The following QTMAN variants were observed in gnomAD, a reference collection of about 807,000 sequenced individuals.
QTMAN encodes the protein queuosine-tRNA mannosyltransferase, also known as tRNA-queuosine alpha-mannosyltransferase.
chr2:144,141,653 A>AAAAGT, the QTMAN span, among the ~76,000 whole-genome samples: 1 of 151,460 alleles, frequency 6.6e-6, no homozygotes, highest in East Asian at 1.9e-4. Flanking sequence ...ACAAATAAAT[A>AAAAGT]AAAGAAAAGA....
the QTMAN span, among the ~76,000 whole-genome samples, chr2:144,159,932 G>C: frequency 6.6e-6 from 1 of 152,068 alleles, no homozygotes; most frequent in Middle Eastern, 3.4e-3. Flanking sequence ...GAAGTTTCAG[G>C]CTATATTTTT....
the QTMAN span, among the ~76,000 whole-genome samples, chr2:144,130,230 G>A: frequency 1.3e-5 from 2 of 151,828 alleles, no homozygotes; most frequent in African/African-American, 4.8e-5. Context: ...AAACCTTACA[G>A]AGGTAAGAAA....
chr2:143,968,492 C>T, the QTMAN span, among the ~76,000 whole-genome samples: 1 of 152,192 alleles, frequency 6.6e-6, no homozygotes, highest in African/African-American at 2.4e-5. Context: ...CTATTTTCAA[C>T]CCTCCATATT....
chr2:144,303,689 A>G, the QTMAN span, among the ~76,000 whole-genome samples: 1 of 152,242 alleles, frequency 6.6e-6, no homozygotes, highest in African/African-American at 2.4e-5. Context: ...CATTTCCAAT[A>G]CTGGCTTTGA....
the QTMAN span, among the ~76,000 whole-genome samples, chr2:144,298,458 G>A: frequency 6.6e-6 from 1 of 152,168 alleles, no homozygotes; most frequent in Admixed American, 6.5e-5. Context: ...TAAAAGGTAT[G>A]GGGTGTTTAT....
the QTMAN span, among the ~76,000 whole-genome samples, chr2:143,960,869 C>G: frequency 6.6e-6 from 1 of 151,962 alleles, no homozygotes; most frequent in Non-Finnish European, 1.5e-5. Flanking sequence ...ATTATGCTTA[C>G]GGGTTTCATA....
the QTMAN span, among the ~76,000 whole-genome samples, chr2:144,008,035 T>C: frequency 6.6e-6 from 1 of 152,202 alleles, no homozygotes; most frequent in East Asian, 1.9e-4. Flanking sequence ...TCCTGAAGTA[T>C]ATTTTAATAT....
chr2:144,075,917 A>G, the QTMAN span, among the ~76,000 whole-genome samples: 1 of 152,258 alleles, frequency 6.6e-6, no homozygotes, highest in South Asian at 2.1e-4. Context: ...CATAAATGAT[A>G]GGCAACTGCT....
the QTMAN span, among the ~76,000 whole-genome samples, chr2:144,270,485 T>C: frequency 1.3e-5 from 2 of 152,206 alleles, no homozygotes; most frequent in Non-Finnish European, 2.9e-5. Flanking sequence ...ATAAAAAGAA[T>C]GCGTTAATGT....
chr2:144,265,090 A>G, the QTMAN span, among the ~76,000 whole-genome samples: 7 of 152,370 alleles, frequency 4.6e-5, no homozygotes, highest in Admixed American at 4.6e-4. Flanking sequence ...TAATAAACTG[A>G]CACACTGACA....
chr2:144,274,026 C>T, the QTMAN span, among the ~76,000 whole-genome samples: 1 of 152,058 alleles, frequency 6.6e-6, no homozygotes, highest in Admixed American at 6.6e-5. Flanking sequence ...CCTAGCTACT[C>T]AGGAGGCTGA....
At chr2:144,014,319 C>T in the QTMAN span, among the ~76,000 whole-genome samples, 2 of 152,182 alleles carry the variant, frequency 1.3e-5, no homozygotes, top group Admixed American at 6.5e-5. Context: ...GGAATACCCG[C>T]TAGCCCAACC....
chr2:144,107,370 AAAG>A, the QTMAN span, among the ~76,000 whole-genome samples: 27 of 152,282 alleles, frequency 1.8e-4, no homozygotes, highest in Admixed American at 1.1e-3. Flanking sequence ...CAAGACTAAT[AAAG>A]AAGAAGAGAG....
the QTMAN span, chr2:144,145,731 A>G: frequency 6.2e-7 from 1 of 1,609,470 alleles, no homozygotes; most frequent in Non-Finnish European, 8.5e-7. Context: ...TGAACTTGCA[A>G]AGAGGGTCCT....
At chr2:144,283,817 G>C in the QTMAN span, among the ~76,000 whole-genome samples, 1 of 151,900 alleles carries the variant, frequency 6.6e-6, no homozygotes, top group African/African-American at 2.4e-5. Context: ...CCATTGAAAA[G>C]AATAACTGTA....
the QTMAN span, chr2:144,177,098 C>T: frequency 1.9e-3 from 1,308 of 697,366 alleles, 13 homozygotes; most frequent in Middle Eastern, 1.8e-3. Context: ...AGGGGAAATC[C>T]ACCTCCATGA....
chr2:144,133,188 A>ATTATATATAT, the QTMAN span, among the ~76,000 whole-genome samples: 3 of 36,678 alleles, frequency 8.2e-5, no homozygotes, highest in African/African-American at 4.8e-4. Context: ...ATATAATATA[A>ATTATATATAT]ATTTATATAT....
At chr2:144,164,889 G>A in the QTMAN span, among the ~76,000 whole-genome samples, 2 of 152,150 alleles carry the variant, frequency 1.3e-5, no homozygotes, top group Non-Finnish European at 2.9e-5. Context: ...ACAGTGTCCT[G>A]TATACACTAG....
chr2:144,246,404 T>G, the QTMAN span, among the ~76,000 whole-genome samples: 1 of 147,856 alleles, frequency 6.8e-6, no homozygotes. Flanking sequence ...AAACCCCGTC[T>G]CTACTAAAAA....
Sources: gnomAD v4.1 joint callset for allele counts (sites outside exome capture counted in the v4.1 genomes callset) on GRCh38, gnomAD v4.1.1 for gene constraint, MANE v1.5 for transcripts, NCBI Gene and HGNC (gene_info 2026-07-23, HGNC 2026-07-21) for gene names.